Variants in ANO10 observed in about 807,000 individuals in gnomAD.
ANO10 encodes anoctamin 10.
In ANO10, 77 loss-of-function variants were observed where a neutral mutation model predicts 74.7. That is an observed-to-expected ratio of 1.03 (90% CI 0.86 to 1.25). The LOEUF (loss-of-function observed/expected upper bound fraction) is 1.25. Among genes scored for constraint, ANO10 ranks in the 50% most tolerant of loss-of-function variants. The pLI is 0.00. For synonymous variants in ANO10, 279 were observed against 284.9 expected, an observed-to-expected ratio of 0.98 and a Z score of 0.21; for missense variants, 721 against 778.1, an observed-to-expected ratio of 0.93 and a Z score of 0.87.
At chr3:43,515,198 T>G (rs1408661431) in intron 11 of ANO10, among the ~76,000 whole-genome samples, 1 of 152,192 alleles carries the variant, frequency 6.6e-6, no homozygotes, top group African/African-American at 2.4e-5. Context: ...GATAATTGAT[T>G]AAACATTATT....
At chr3:43,438,971 C>T (rs2093118558) in intron 11 of ANO10, among the ~76,000 whole-genome samples, 1 of 151,826 alleles carries the variant, frequency 6.6e-6, no homozygotes, top group Non-Finnish European at 1.5e-5. Context: ...GGGAACAGAA[C>T]TTAATTTGAG....
At position 43,469,187 on chromosome 3, in the gene ANO10, C is replaced by G. The variant is rs145565875; in HGVS notation, c.1798-36460G>C. ...CCTCCAGACTAGCTGGAATTACAGGCACACACAACCATGCCCGGCTAATTT... is the reference window on the plus strand; with the variant it reads ...CCTCCAGACTAGCTGGAATTACAGGGACACACAACCATGCCCGGCTAATTT... On this transcript the variant is annotated intron_variant, in intron 11 of 12. Coordinates refer to ENST00000292246, the MANE Select transcript of ANO10 (RefSeq NM_018075.5). 6.2e-3 allele frequency among the ~76,000 whole-genome samples: 948 copies of G among 151,762 alleles called. 8 individuals are homozygous for G. The highest frequency in any genetic ancestry group is 0.022 in the African/African-American group (907 of 41,326).
At chr3:43,400,495 T>C (rs564748446) in intron 12 of ANO10, among the ~76,000 whole-genome samples, 1 of 152,164 alleles carries the variant, frequency 6.6e-6, no homozygotes, top group Non-Finnish European at 1.5e-5. Context: ...TCTTTTCTGA[T>C]TGGGCATGGT....
chr3:43,507,884 C>T lies in ANO10; in HGVS notation c.1797+41836G>A, dbSNP rs964078896. Among the ~76,000 whole-genome samples, 5 of 151,842 alleles carry T rather than the reference C, an allele frequency of 3.3e-5. No individual in the cohort carries two copies. In the East Asian group the frequency reaches 9.7e-4, roughly 29 times the overall value. On this transcript the variant is annotated intron_variant, in intron 11 of 12. Transcript: ENST00000292246. ...AACTGTTGAAGAGCATAAACAATTG[C>T]CAACAAATACTTGCAAAAAATGTCA...
At chr3:43,645,843 T>C (rs775827618) in intron 1 of ANO10, among the ~76,000 whole-genome samples, 2 of 152,186 alleles carry the variant, frequency 1.3e-5, no homozygotes, top group Non-Finnish European at 2.9e-5. Context: ...AGATGGGGTC[T>C]GTCACCCAGG....
chr3:43,661,963 T>C (rs1201995205), intron 1 of ANO10, among the ~76,000 whole-genome samples: 1 of 152,142 alleles, frequency 6.6e-6, no homozygotes, highest in Admixed American at 6.6e-5. Context: ...AATGGGAGAC[T>C]GTAACACCCC....
chr3:43,560,603 GA>G (rs1401882470), intron 9 of ANO10, among the ~76,000 whole-genome samples: 3 of 152,168 alleles, frequency 2.0e-5, no homozygotes, highest in Admixed American at 1.3e-4. Flanking sequence ...GTGAAATATA[GA>G]AACAGTGAAT....
At chr3:43,545,676 T>G (rs1250570999) in intron 11 of ANO10, among the ~76,000 whole-genome samples, 2 of 152,166 alleles carry the variant, frequency 1.3e-5, no homozygotes, top group Non-Finnish European at 2.9e-5. Flanking sequence ...CCACTGATAG[T>G]TTTGATGAAC....
chr3:43,661,587 C>T (rs1035802204), intron 1 of ANO10, among the ~76,000 whole-genome samples: 4 of 152,006 alleles, frequency 2.6e-5, no homozygotes, highest in African/African-American at 9.7e-5. Flanking sequence ...GCCTAAATGC[C>T]CCAATTAAAA....
At position 43,598,640 on chromosome 3, in the gene ANO10, C is replaced by T; in HGVS notation, c.364G>A (p.Ala122Thr). 1 of 1,607,792 alleles carries T rather than the reference C, an allele frequency of 6.2e-7. No homozygotes were observed. ...DDNNDDFLTM[A>T]ECQFIIKHEL... ...TGTTTGATAATGAATTGACATTCTG[C>T]CATTGTCAGGAAATCATCATTGTTA... Residue 122 changes from alanine to threonine, a missense_variant, in exon 4 of 13, where the codon GCA becomes ACA. Coordinates refer to ENST00000292246, the MANE Select transcript of ANO10 (RefSeq NM_018075.5).
intron 1 of ANO10, among the ~76,000 whole-genome samples, chr3:43,613,721 CTGAG>C (rs1263981916): frequency 2.0e-5 from 3 of 152,154 alleles, no homozygotes; most frequent in Non-Finnish European, 4.4e-5. Flanking sequence ...AATACAGAGG[CTGAG>C]TTCATCACCT....
At chr3:43,454,438 A>T (rs1440738861) in intron 11 of ANO10, among the ~76,000 whole-genome samples, 3 of 152,214 alleles carry the variant, frequency 2.0e-5, no homozygotes, top group African/African-American at 2.4e-5. Flanking sequence ...CAAAAGCAGA[A>T]GGGTGGCCCA....
chr3:43,598,537 G>A lies in ANO10; in HGVS notation c.467C>T (p.Ser156Leu). ...TGGTTGACATAATGACTTACACAATGATTTTCCTGGATACAACTTTGCCTG... is the reference window on the plus strand; with the variant it reads ...TGGTTGACATAATGACTTACACAATAATTTTCCTGGATACAACTTTGCCTG... ...YPQAKLYPGK[S>L]LLRRLLTSGI... The change falls in exon 4 of 13, where the codon TCA (serine) becomes TTA (leucine). Residue 156 changes from serine to leucine, a missense_variant. Transcript: ENST00000292246. 1 of 1,612,948 alleles carries A rather than the reference G, an allele frequency of 6.2e-7. No homozygotes were observed. Among genetic ancestry groups the A allele is most frequent in the Non-Finnish European group, 8.5e-7 (1 of 1,179,606 alleles).
chr3:43,459,495 T>C (rs2075286843), intron 11 of ANO10, among the ~76,000 whole-genome samples: 1 of 152,130 alleles, frequency 6.6e-6, no homozygotes, highest in Non-Finnish European at 1.5e-5. Context: ...CACAGAAATA[T>C]CTGCCAGTAG....
intron 11 of ANO10, among the ~76,000 whole-genome samples, chr3:43,450,156 GA>G (rs2074794262): frequency 6.6e-6 from 1 of 152,014 alleles, no homozygotes; most frequent in African/African-American, 2.4e-5. Flanking sequence ...GAATAAAGTG[GA>G]AAAATATTTG....
Position 43,574,671 on chromosome 3 carries a change from A to G in ANO10, c.1218+138T>C, listed in dbSNP as rs1360452258. The G allele has an allele frequency of 4.2e-6, 3 of 710,662 alleles. No homozygotes were observed. The African/African-American group carries it at 5.3e-5, about 13-fold the overall frequency. The allele number at this position is 710,662 out of a possible 1,614,324, so 44.0% of individuals were successfully genotyped here. ...ACTGAACACAGAGGTACACATATTT[A>G]TTAATCAATCCTTGCCTATTTGCAC... On this transcript the variant is annotated intron_variant, in intron 7 of 12. Coordinates refer to ENST00000292246, the MANE Select transcript of ANO10 (RefSeq NM_018075.5).
At chr3:43,642,845 ATT>A (rs78934141) in intron 1 of ANO10, among the ~76,000 whole-genome samples, 181 of 144,388 alleles carry the variant, frequency 1.3e-3, no homozygotes, top group African/African-American at 4.5e-3. Context: ...ATTCACAGAC[ATT>A]TTTTTTTTTC....
At chr3:43,538,572 T>C (rs1203089942) in intron 11 of ANO10, among the ~76,000 whole-genome samples, 1 of 152,140 alleles carries the variant, frequency 6.6e-6, no homozygotes, top group Non-Finnish European at 1.5e-5. Flanking sequence ...ACTGTAACGA[T>C]GGCAGGCATA....
At chr3:43,516,574 C>G (rs1248218707) in intron 11 of ANO10, among the ~76,000 whole-genome samples, 1 of 152,154 alleles carries the variant, frequency 6.6e-6, no homozygotes, top group Non-Finnish European at 1.5e-5. Flanking sequence ...GGGATATAGT[C>G]AGAACCGTGC....
Sources: allele counts gnomAD v4.1 joint callset (sites outside exome capture counted in the v4.1 genomes callset), GRCh38; gene constraint gnomAD v4.1.1; transcripts MANE v1.5; gene names NCBI Gene and HGNC (gene_info 2026-07-23, HGNC 2026-07-21).